RAD51: variants seen among roughly 807,000 people sequenced by gnomAD.
RAD51 encodes the protein DNA repair protein RAD51 homolog 1.
Under a neutral mutation model 41.5 loss-of-function variants are expected in RAD51, and 14 were observed. The observed-to-expected ratio is 0.34, with a 90% CI of 0.22 to 0.53. The LOEUF (loss-of-function observed/expected upper bound fraction) is 0.53, where lower values mean the gene tolerates loss of function less well. RAD51 is among the 20% of genes least tolerant of loss of function. RAD51 has a pLI of 0.95. For missense variants in RAD51, 234 were observed against 422.0 expected (o/e 0.55, Z 3.90); for synonymous variants, 136 against 148.6 (o/e 0.92, Z 0.62).
At chr15:40,723,182 A>G (rs544647232) in intron 6 of RAD51, among the ~76,000 whole-genome samples, 3 of 152,322 alleles carry the variant, frequency 2.0e-5, no homozygotes, top group African/African-American at 7.2e-5. Flanking sequence ...TATGAAGGCT[A>G]TAATAAAAAA....
chr15:40,728,657 C>A, intron 6 of RAD51, 54 bp from the exon 7 acceptor site: 1 of 1,427,588 alleles, frequency 7.0e-7, no homozygotes, highest in Non-Finnish European at 9.9e-7. Flanking sequence ...AAACAAATTG[C>A]TCATCTGCCT....
At chr15:40,711,837 G>A (rs1269699455) in intron 5 of RAD51, among the ~76,000 whole-genome samples, 2 of 152,126 alleles carry the variant, frequency 1.3e-5, no homozygotes, top group East Asian at 3.9e-4. Context: ...CACTTTGGGA[G>A]GCCACGGTGG....
chr15:40,709,128 G>C lies in RAD51; in HGVS notation c.435+12G>C. The C allele has an allele frequency of 2.5e-6, 4 of 1,597,836 alleles. No homozygotes were observed. The South Asian group carries it at 4.4e-5, about 18-fold the overall frequency. On this transcript the variant is annotated intron_variant, in intron 5 of 9. Transcript: ENST00000267868. ...CTGTCACCTGCCAGGTGAGCTGTTG[G>C]GGCTATAGCTAATCAAATAAGCAAG...
intron 5 of RAD51, 91 bp from the exon 6 acceptor site, chr15:40,718,714 C>A: frequency 1.8e-6 from 2 of 1,141,806 alleles, no homozygotes; most frequent in Non-Finnish European, 2.7e-6. Context: ...TTCCCTTTGC[C>A]TTGGAGGAAT....
intron 6 of RAD51, among the ~76,000 whole-genome samples, chr15:40,724,412 G>A (rs1012646751): frequency 6.6e-6 from 1 of 152,122 alleles, no homozygotes; most frequent in Admixed American, 6.6e-5. Flanking sequence ...AGGCTATGAG[G>A]ACAAGAACTT....
Position 40,713,696 on chromosome 15 carries a change from T to A in RAD51, c.435+4580T>A, listed in dbSNP as rs529205807. Among the ~76,000 whole-genome samples the A allele has an allele frequency of 9.3e-5, 14 of 150,572 alleles. No individual in the cohort carries two copies. The South Asian group carries it at 2.9e-3, about 32-fold the overall frequency. On this transcript the variant is annotated intron_variant, in intron 5 of 9. Transcript: ENST00000267868. ...ATCTCTGCTCACTGCAAGCTCCGCC[T>A]CCTGGGTTCACGCCATTTTCCTGCC...
chr15:40,713,145 G>C (rs966494278), intron 5 of RAD51, among the ~76,000 whole-genome samples: 4 of 151,162 alleles, frequency 2.6e-5, no homozygotes, highest in Admixed American at 6.6e-5. Context: ...GCCTCCCAAA[G>C]TGCTGGGATT....
chr15:40,707,918 G>A (rs1047087637), intron 4 of RAD51, among the ~76,000 whole-genome samples: 9 of 150,406 alleles, frequency 6.0e-5, no homozygotes, highest in African/African-American at 9.8e-5. Context: ...GGATTTCACC[G>A]TCTTGGCCAG....
At position 40,731,730 on chromosome 15, in the gene RAD51, C is replaced by CATCT. The variant is rs1596030969; in HGVS notation, c.*554_*557dup. 8.9e-6 allele frequency: 2 copies of CATCT among 224,462 alleles called. No individual in the cohort carries two copies. Among genetic ancestry groups the CATCT allele is most frequent in the East Asian group, 1.3e-4 (2 of 14,966 alleles). 13.9% of individuals were successfully genotyped at this position (224,462 alleles called of 1,614,324 possible). A position where few individuals can be genotyped will look rare whatever the true frequency, so the allele number is the denominator to read the frequency against. On this transcript the variant is annotated 3_prime_UTR_variant, in exon 10 of 10. Coordinates refer to ENST00000267868, the MANE Select transcript of RAD51 (RefSeq NM_002875.5). ...ACCTACTAGGCCATTAGCCCTTCACCATCTACCTGCTTGGTCTTTCATTGC... is the reference window on the plus strand; with the variant it reads ...ACCTACTAGGCCATTAGCCCTTCACCATCTATCTACCTGCTTGGTCTTTCATTGC...
At chr15:40,713,025 T>C (rs2141845181) in intron 5 of RAD51, among the ~76,000 whole-genome samples, 1 of 150,536 alleles carries the variant, frequency 6.6e-6, no homozygotes, top group East Asian at 2.0e-4. Context: ...ATTACAGGCA[T>C]GACGGCCACC....
chr15:40,712,129 C>A (rs971412109), intron 5 of RAD51, among the ~76,000 whole-genome samples: 1 of 150,178 alleles, frequency 6.7e-6, no homozygotes, highest in Admixed American at 6.7e-5. Context: ...GAAGTTTAAA[C>A]TTGATTTTAT....
intron 3 of RAD51, among the ~76,000 whole-genome samples, chr15:40,704,163 T>C (rs1258472675): frequency 1.3e-5 from 2 of 150,744 alleles, no homozygotes; most frequent in Non-Finnish European, 3.0e-5. Context: ...AACCTCTGCC[T>C]CTTGGGTTCA....
rs578181752 is a variant in RAD51, at chr15:40,731,859, G to A, written c.*681G>A. 2.1e-4 allele frequency: 45 copies of A among 211,816 alleles called. 2 individuals are homozygous for A. In the East Asian group the frequency reaches 2.9e-3, roughly 13 times the overall value. The allele number at this position is 211,816 out of a possible 1,614,324, so 13.1% of individuals were successfully genotyped here. ...TTTGGGAGGCCGAGGCAGGTGGATC[G>A]CTTGAGCCCAGGAGTTTTAAGTCCA... On this transcript the variant is annotated 3_prime_UTR_variant, in exon 10 of 10. Transcript: ENST00000267868.
chr15:40,700,940 G>C, intron 2 of RAD51, 124 bp from the exon 3 acceptor site: 1 of 1,056,198 alleles, frequency 9.5e-7, no homozygotes, highest in Non-Finnish European at 1.3e-6. Context: ...CCCCCCCAAG[G>C]ATTTCAAGGG....
rs1169052718 is a variant in RAD51 at position 40,695,288 on chromosome 15, A to AG, written c.-139dup. On this transcript the variant is annotated 5_prime_UTR_variant, in exon 1 of 10. Transcript: ENST00000267868. Reference sequence around the variant, plus strand: ...ACTGCAACTCATCTGGGTTGTGCGCAGAAGGCTGGGGCAAGCGAGTAGAGA... The same window carrying AG: ...ACTGCAACTCATCTGGGTTGTGCGCAGGAAGGCTGGGGCAAGCGAGTAGAGA... 1 of 152,412 alleles carries AG rather than the reference A, an allele frequency of 6.6e-6. No homozygotes were observed. The highest frequency in any genetic ancestry group is 2.4e-5 in the African/African-American group (1 of 41,470). The allele number at this position is 152,412 out of a possible 1,614,324, so 9.4% of individuals were successfully genotyped here.
chr15:40,718,752 A>G, intron 5 of RAD51, 53 bp from the exon 6 acceptor site: 2 of 1,441,318 alleles, frequency 1.4e-6, no homozygotes, highest in Non-Finnish European at 2.0e-6. Flanking sequence ...GAGCTTGGTC[A>G]GCTGTATCAG....
At chr15:40,718,413 G>A (rs1383528136) in intron 5 of RAD51, among the ~76,000 whole-genome samples, 2 of 151,682 alleles carry the variant, frequency 1.3e-5, no homozygotes, top group African/African-American at 4.8e-5. Flanking sequence ...AACAACTCAG[G>A]AGGCTGAGGC....
chr15:40,709,159 C>T (rs770067289), intron 5 of RAD51, 43 bp downstream of exon 5: 9 of 1,500,568 alleles, frequency 6.0e-6, no homozygotes, highest in Non-Finnish European at 7.4e-6. Flanking sequence ...GCAAGCATTA[C>T]TTCATTCCTG....
At chr15:40,728,879 T>C in intron 7 of RAD51, 55 bp downstream of exon 7, 2 of 1,424,492 alleles carry the variant, frequency 1.4e-6, no homozygotes, top group Non-Finnish European at 2.0e-6. Context: ...TCCCTGAATC[T>C]TGTAATGGCT....
Sources: gnomAD v4.1 joint callset for allele counts (sites outside exome capture counted in the v4.1 genomes callset) on GRCh38, gnomAD v4.1.1 for gene constraint, MANE v1.5 for transcripts, NCBI Gene and HGNC (gene_info 2026-07-23, HGNC 2026-07-21) for gene names.